Variants in AGBL1 observed in about 807,000 individuals in gnomAD.
AGBL1 encodes the protein AGBL carboxypeptidase 1, also known as cytosolic carboxypeptidase 4.
In AGBL1, 130 loss-of-function variants were observed where a neutral mutation model predicts 118.9. That is an observed-to-expected ratio of 1.09 (90% confidence interval 0.95 to 1.26). AGBL1 has a LOEUF of 1.26. Ranked by LOEUF, AGBL1 falls within the 50% of genes most tolerant of loss-of-function variation. The pLI, the probability that AGBL1 is intolerant of heterozygous loss-of-function variation, is 0.00. For missense variants in AGBL1, 1,584 were observed against 1,298.1 expected, an observed-to-expected ratio of 1.22 and a Z score of -3.38; for synonymous variants, 555 against 478.9, an observed-to-expected ratio of 1.16 and a Z score of -2.08.
chr15:86,256,108 T>A (rs900505667), intron 7 of AGBL1, among the ~76,000 whole-genome samples: 1 of 152,162 alleles, frequency 6.6e-6, no homozygotes, highest in African/African-American at 2.4e-5. Flanking sequence ...AAGAAAATGG[T>A]TGTGTTTTTG....
intron 22 of AGBL1, among the ~76,000 whole-genome samples, chr15:86,696,091 T>C (rs1266527896): frequency 6.6e-6 from 1 of 152,056 alleles, no homozygotes; most frequent in Non-Finnish European, 1.5e-5. Flanking sequence ...TAAACATCTA[T>C]CAGGTTCATT....
chr15:86,537,793 CTA>C (rs756105525), intron 19 of AGBL1, among the ~76,000 whole-genome samples: 6 of 152,150 alleles, frequency 3.9e-5, no homozygotes, highest in Non-Finnish European at 8.8e-5. Flanking sequence ...AACCTCATCT[CTA>C]TATTTGGATA....
At chr15:86,174,134 G>C (rs932246649) in intron 5 of AGBL1, among the ~76,000 whole-genome samples, 2 of 151,988 alleles carry the variant, frequency 1.3e-5, no homozygotes, top group Non-Finnish European at 2.9e-5. Flanking sequence ...CTTCATCAGT[G>C]TTTTGTAGTT....
chr15:86,095,918 A>G (rs534735427), intron 1 of AGBL1, among the ~76,000 whole-genome samples: 1 of 152,220 alleles, frequency 6.6e-6, no homozygotes, highest in East Asian at 1.9e-4. Context: ...TAATTTCCTC[A>G]TCTATAAAAT....
At chr15:86,923,617 T>C (rs1305627286) in intron 23 of AGBL1, among the ~76,000 whole-genome samples, 1 of 152,240 alleles carries the variant, frequency 6.6e-6, no homozygotes, top group East Asian at 1.9e-4. Context: ...ATCTCTTTTG[T>C]TGTGGTTCAA....
chr15:86,216,600 C>A (rs1022235521), intron 5 of AGBL1, among the ~76,000 whole-genome samples: 1 of 152,192 alleles, frequency 6.6e-6, no homozygotes, highest in African/African-American at 2.4e-5. Flanking sequence ...ACCCTGCATT[C>A]CTGGACTAAA....
chr15:86,673,348 T>G (rs184200136), intron 21 of AGBL1, among the ~76,000 whole-genome samples: 1 of 152,276 alleles, frequency 6.6e-6, no homozygotes, highest in East Asian at 1.9e-4. Context: ...ATTTAGAAAC[T>G]AGTGAAACCA....
intron 18 of AGBL1, among the ~76,000 whole-genome samples, chr15:86,504,888 T>A (rs2082957307): frequency 6.6e-6 from 1 of 151,820 alleles, no homozygotes; most frequent in Admixed American, 6.6e-5. Context: ...TTCTTGTTAC[T>A]GTCTAGTGTC....
chr15:86,420,822 T>C (rs1315900695), intron 18 of AGBL1, among the ~76,000 whole-genome samples: 1 of 152,134 alleles, frequency 6.6e-6, no homozygotes, highest in East Asian at 1.9e-4. Flanking sequence ...TGCACAAGTA[T>C]CAATAGCCAA....
intron 22 of AGBL1, among the ~76,000 whole-genome samples, chr15:86,731,432 C>T (rs1229629186): frequency 1.3e-5 from 2 of 152,258 alleles, no homozygotes; most frequent in South Asian, 2.1e-4. Flanking sequence ...AATTGTGCTG[C>T]GATCTTTCTG....
intron 18 of AGBL1, among the ~76,000 whole-genome samples, chr15:86,517,630 C>T (rs974067085): frequency 3.9e-5 from 6 of 152,232 alleles, no homozygotes; most frequent in African/African-American, 1.4e-4. Context: ...TGTAGGAACA[C>T]CTGTGTTAGA....
chr15:86,943,774 C>A (rs1327140535), intron 23 of AGBL1, among the ~76,000 whole-genome samples: 2 of 152,166 alleles, frequency 1.3e-5, no homozygotes, highest in African/African-American at 4.8e-5. Context: ...GCTTGCTTAT[C>A]TATGCTTGCA....
intron 17 of AGBL1, among the ~76,000 whole-genome samples, chr15:86,370,346 C>T: frequency 6.6e-6 from 1 of 150,718 alleles, no homozygotes; most frequent in Non-Finnish European, 1.5e-5. Flanking sequence ...ACTCTGTCAC[C>T]CAGGCTGGAG....
intron 20 of AGBL1, among the ~76,000 whole-genome samples, chr15:86,552,990 G>T (rs1282281306): frequency 2.6e-5 from 4 of 151,952 alleles, no homozygotes; most frequent in African/African-American, 2.4e-5. Flanking sequence ...TTAACATGAG[G>T]ACAGTAAGTA....
chr15:86,241,334 G>C (rs1482922195), intron 6 of AGBL1, among the ~76,000 whole-genome samples: 1 of 152,086 alleles, frequency 6.6e-6, no homozygotes, highest in Non-Finnish European at 1.5e-5. Context: ...TTTATGTCAG[G>C]TGCTGAGTTA....
At chr15:86,106,191 A>G (rs574730686) in intron 1 of AGBL1, among the ~76,000 whole-genome samples, 25 of 152,212 alleles carry the variant, frequency 1.6e-4, no homozygotes, top group Non-Finnish European at 2.8e-4. Flanking sequence ...ATAACAGGGT[A>G]GTAAATGTGG....
At chr15:86,403,762 C>T (rs1173265355) in intron 18 of AGBL1, among the ~76,000 whole-genome samples, 2 of 152,258 alleles carry the variant, frequency 1.3e-5, no homozygotes, top group African/African-American at 2.4e-5. Flanking sequence ...GTTACAGAGC[C>T]AGGAACTCAA....
At chr15:86,760,360 G>T (rs1034638361) in intron 22 of AGBL1, among the ~76,000 whole-genome samples, 5 of 151,994 alleles carry the variant, frequency 3.3e-5, no homozygotes, top group Non-Finnish European at 4.4e-5. Flanking sequence ...TCACTTGTAG[G>T]AAATCATTAG....
chr15:86,540,792 G>A (rs1438053346), intron 19 of AGBL1, among the ~76,000 whole-genome samples: 1 of 152,112 alleles, frequency 6.6e-6, no homozygotes, highest in Non-Finnish European at 1.5e-5. Flanking sequence ...AGAATTAACA[G>A]GCATTTGTTT....
Sources: gnomAD v4.1 joint callset for allele counts (sites outside exome capture counted in the v4.1 genomes callset) on GRCh38, gnomAD v4.1.1 for gene constraint, MANE v1.5 for transcripts, NCBI Gene and HGNC (gene_info 2026-07-23, HGNC 2026-07-21) for gene names.